The following STAU2 variants were observed in gnomAD, a reference collection of about 807,000 sequenced individuals.
STAU2 encodes staufen double-stranded RNA binding protein 2, also known as double-stranded RNA-binding protein Staufen homolog 2.
STAU2 carries 20 observed loss-of-function variants against 65.9 expected under a neutral mutation model. The observed-to-expected ratio is 0.30, with a 90% CI of 0.21 to 0.44. The LOEUF is 0.44. Ranked by LOEUF, STAU2 falls within the 20% of genes least tolerant of loss-of-function variation. The probability of loss-of-function intolerance (pLI) is 1.00; values close to 1 mark genes in which losing one functional copy is unlikely to be tolerated. For synonymous variants in STAU2, 232 were observed against 233.9 expected, an observed-to-expected ratio of 0.99 and a Z score of 0.07; for missense variants, 558 against 683.9, an observed-to-expected ratio of 0.82 and a Z score of 2.05.
At chr8:73,738,600 T>C (rs1472405367) in intron 2 of STAU2, among the ~76,000 whole-genome samples, 1 of 152,224 alleles carries the variant, frequency 6.6e-6, no homozygotes, top group Non-Finnish European at 1.5e-5. Flanking sequence ...TTTTCTTTCA[T>C]GTTCACTTGA....
At chr8:73,534,412 G>A (rs1321789980) in intron 13 of STAU2, among the ~76,000 whole-genome samples, 1 of 152,128 alleles carries the variant, frequency 6.6e-6, no homozygotes, top group Non-Finnish European at 1.5e-5. Flanking sequence ...GATTAAGTTG[G>A]TTTCAAAACT....
intron 11 of STAU2, among the ~76,000 whole-genome samples, chr8:73,585,464 G>C (rs1375002162): frequency 6.6e-6 from 1 of 152,198 alleles, no homozygotes; most frequent in African/African-American, 2.4e-5. Flanking sequence ...TGGACAACGA[G>C]AGTGAAACTC....
At chr8:73,633,751 C>A (rs778029661) in intron 6 of STAU2, among the ~76,000 whole-genome samples, 4 of 152,070 alleles carry the variant, frequency 2.6e-5, no homozygotes, top group Non-Finnish European at 5.9e-5. Context: ...GAGGCCGAGG[C>A]GGCTGGATCA....
chr8:73,743,755 T>A (rs1174030049), intron 1 of STAU2, among the ~76,000 whole-genome samples: 1 of 148,938 alleles, frequency 6.7e-6, no homozygotes, highest in African/African-American at 2.5e-5. Flanking sequence ...ATTACAAGCA[T>A]GAGCCACCAT....
chr8:73,586,667 A>G (rs1810402561), intron 11 of STAU2, among the ~76,000 whole-genome samples: 1 of 144,236 alleles, frequency 6.9e-6, no homozygotes, highest in African/African-American at 2.8e-5. Flanking sequence ...AAAAAAAAAA[A>G]TCCTCAGGCA....
rs560804761 is a variant in STAU2, at chr8:73,628,169, G to A, written c.411-10718C>T. 1.1e-3 allele frequency among the ~76,000 whole-genome samples: 163 copies of A among 151,786 alleles called. 2 individuals are homozygous for A. The highest frequency in any genetic ancestry group is 1.0e-3 in the Non-Finnish European group (71 of 67,962). ...GTTAACTGCGGCCTCAACCTGCTGGGCTCAAGCAATCCTCCCATCTCAGTC... is the reference window on the plus strand; with the variant it reads ...GTTAACTGCGGCCTCAACCTGCTGGACTCAAGCAATCCTCCCATCTCAGTC... On this transcript the variant is annotated intron_variant, in intron 6 of 14. Coordinates refer to ENST00000524300, the MANE Select transcript of STAU2 (RefSeq NM_001164380.2).
chr8:73,484,075 T>C (rs947041215), intron 13 of STAU2, among the ~76,000 whole-genome samples: 4 of 152,154 alleles, frequency 2.6e-5, no homozygotes, highest in African/African-American at 4.8e-5. Flanking sequence ...TCAACAACTA[T>C]TTAAAAAGCT....
At position 73,422,691 on chromosome 8, in the gene STAU2, A is replaced by C; in HGVS notation, c.1542T>G (p.Ser514Arg). Residue 514 changes from serine (S) to arginine (R), a missense_variant, in exon 14 of 15, where the codon AGT becomes AGG. Ser to Arg is a moderately radical substitution (Grantham distance 110, BLOSUM62 -1). Transcript: ENST00000524300. ...CTTGTTCAGAAAATTGTTTCAAGGC[A>C]CTTAAGGCTGCCTAAAAATGAAAAC... is the stretch of plus-strand genomic sequence containing the variant. ...ARIQGFQAAL[S>R]ALKQFSEQGL... The C allele has an allele frequency of 6.7e-7, 1 of 1,490,406 alleles. No homozygotes were observed. The highest frequency in any genetic ancestry group is 8.9e-7 in the Non-Finnish European group (1 of 1,128,160). The allele number at this position is 1,490,406 out of a possible 1,614,324, so 92.3% of individuals were successfully genotyped here.
rs536763700 is a variant in STAU2, at chr8:73,436,313, G to A, written c.1531-13611C>T. Among the ~76,000 whole-genome samples, 8 of 151,792 alleles carry A rather than the reference G, an allele frequency of 5.3e-5. No homozygotes were observed. In the East Asian group the frequency reaches 7.7e-4, roughly 15 times the overall value. On this transcript the variant is annotated intron_variant, in intron 13 of 14. Transcript: ENST00000524300. ...GGGTGAGGGATGCAGTGAGCCTGAC[G>A]TTTTTCTTGGGACATTTGGTGGCCA...
At chr8:73,572,876 T>C (rs1004969278) in intron 12 of STAU2, among the ~76,000 whole-genome samples, 1 of 152,060 alleles carries the variant, frequency 6.6e-6, no homozygotes. Context: ...CTATTCAACA[T>C]AGTGTTGGAA....
chr8:73,517,246 G>A (rs1822786520), intron 13 of STAU2, among the ~76,000 whole-genome samples: 1 of 151,890 alleles, frequency 6.6e-6, no homozygotes, highest in African/African-American at 2.4e-5. Context: ...GAAAATAAAA[G>A]AGAAGAAAAA....
At chr8:73,530,598 C>T (rs1486872346) in intron 13 of STAU2, among the ~76,000 whole-genome samples, 1 of 152,186 alleles carries the variant, frequency 6.6e-6, no homozygotes, top group Non-Finnish European at 1.5e-5. Flanking sequence ...AGAACTGAAA[C>T]TGTAGGCCCT....
Position 73,709,109 on chromosome 8 carries a change from C to T in STAU2, c.37G>A (p.Val13Ile). ...CTATTGAAACGGGCTAACTCATTTA[C>T]CAGACACATTGCAGTTTTCTCTTTT... ...NPKEKTAMCL[V>I]NELARFNRVQ... The change falls in exon 4 of 15, where the codon GTA (valine) becomes ATA (isoleucine). Residue 13 changes from valine (V) to isoleucine (I), a missense_variant. Transcript: ENST00000524300. 2.0e-6 allele frequency: 3 copies of T among 1,533,128 alleles called. No homozygotes were observed. The highest frequency in any genetic ancestry group is 2.5e-5 in the East Asian group (1 of 40,748). 95.0% of individuals were successfully genotyped at this position (1,533,128 alleles called of 1,614,324 possible). A position where few individuals can be genotyped will look rare whatever the true frequency, so the allele number is the denominator to read the frequency against.
At chr8:73,464,328 C>T (rs1819532870) in intron 13 of STAU2, among the ~76,000 whole-genome samples, 1 of 152,184 alleles carries the variant, frequency 6.6e-6, no homozygotes, top group South Asian at 2.1e-4. Context: ...GTCCTTGCGG[C>T]TGCTTACTGT....
intron 12 of STAU2, among the ~76,000 whole-genome samples, chr8:73,560,936 A>T (rs983930347): frequency 3.3e-5 from 5 of 152,198 alleles, no homozygotes; most frequent in African/African-American, 1.2e-4. Context: ...AGGCAAATGG[A>T]AAGTATTTAA....
chr8:73,623,143 C>T (rs1813386217), intron 6 of STAU2, among the ~76,000 whole-genome samples: 1 of 152,114 alleles, frequency 6.6e-6, no homozygotes, highest in Non-Finnish European at 1.5e-5. Context: ...ATTTTACATT[C>T]ACTTATATCT....
chr8:73,601,915 A>G (rs532922782), intron 10 of STAU2, among the ~76,000 whole-genome samples: 2 of 152,344 alleles, frequency 1.3e-5, no homozygotes, highest in African/African-American at 4.8e-5. Context: ...ATGTTCCAGA[A>G]TTCTTCAAAG....
intron 6 of STAU2, among the ~76,000 whole-genome samples, chr8:73,654,891 T>C (rs1285858570): frequency 4.6e-5 from 7 of 151,914 alleles, no homozygotes; most frequent in African/African-American, 1.7e-4. Context: ...TTCACCGTGT[T>C]AGCCAGGATG....
At chr8:73,547,239 A>T (rs1314266894) in intron 13 of STAU2, among the ~76,000 whole-genome samples, 1 of 152,204 alleles carries the variant, frequency 6.6e-6, no homozygotes, top group Non-Finnish European at 1.5e-5. Context: ...AACATAGTTT[A>T]CGCAGTAATA....
Sources: gnomAD v4.1 joint callset for allele counts (sites outside exome capture counted in the v4.1 genomes callset) on GRCh38, gnomAD v4.1.1 for gene constraint, MANE v1.5 for transcripts, NCBI Gene and HGNC (gene_info 2026-07-23, HGNC 2026-07-21) for gene names.